The following ADGRE2 variants were observed in gnomAD, a reference collection of about 807,000 sequenced individuals.
ADGRE2 encodes the protein adhesion G protein-coupled receptor E2, also known as CD97 antigen.
ADGRE2 carries 83 observed loss-of-function variants against 100.8 expected under a neutral mutation model. The ratio of observed to expected loss-of-function variants is 0.82; its 90% CI spans 0.69 to 0.99. ADGRE2 has a LOEUF of 0.99. ADGRE2 is among the 50% of genes least tolerant of loss of function. The pLI is 0.00. For missense variants in ADGRE2, 814 were observed against 1,035.7 expected (o/e 0.79, Z 2.94); for synonymous variants, 355 against 413.0 (o/e 0.86, Z 1.70).
At chr19:14,728,665 T>C (rs2042648777), downstream of ADGRE2, among the ~76,000 whole-genome samples, 1 of 152,080 alleles carries the variant, frequency 6.6e-6, no homozygotes, top group African/African-American at 2.4e-5. Context: ...ATGAAGAAAA[T>C]GGCAAAAACT....
chr19:14,731,235 A>C, downstream of ADGRE2: 1 of 1,509,832 alleles, frequency 6.6e-7, no homozygotes, highest in Non-Finnish European at 8.9e-7. Flanking sequence ...TCAGATCGCT[A>C]GAATCCAACC....
chr19:14,774,330 G>A (rs376968761), intron 2 of ADGRE2, 24 bp from the exon 3 acceptor site: 6 of 1,486,210 alleles, frequency 4.0e-6, no homozygotes, highest in African/African-American at 1.4e-5. Context: ...AGGAAAGGGG[G>A]TCAGAGGGGA....
chr19:14,770,660 C>G (rs1251116407), intron 5 of ADGRE2, among the ~76,000 whole-genome samples: 2 of 26,004 alleles, frequency 7.7e-5, no homozygotes, highest in Admixed American at 7.8e-4. Flanking sequence ...CTTTTTGTTT[C>G]TTTCTTTTCT....
At chr19:14,731,079 G>A (rs58250448), downstream of ADGRE2, 7,194 of 1,059,924 alleles carry the variant, frequency 6.8e-3, 384 homozygotes, top group African/African-American at 0.1. Flanking sequence ...CTCAAGCACC[G>A]CCCCTCCTGC....
At chr19:14,777,638 T>TCCCCCCGGCCCCCCCC (rs1599899803) in intron 1 of ADGRE2, among the ~76,000 whole-genome samples, 1 of 148,912 alleles carries the variant, frequency 6.7e-6, no homozygotes. Flanking sequence ...ATGCAATCCC[T>TCCCCCCGGCCCCCCCC]CCCCCAGGCC....
intron 13 of ADGRE2, 93 bp from the exon 14 acceptor site, chr19:14,755,220 G>A: frequency 7.6e-7 from 1 of 1,308,268 alleles, no homozygotes; most frequent in Non-Finnish European, 1.1e-6. Flanking sequence ...GATCACTTGA[G>A]GTCAGGAGTT....
chr19:14,766,362 G>C lies in ADGRE2; in HGVS notation c.507C>G (p.Ser169=), dbSNP rs748645336. 8.7e-6 allele frequency: 14 copies of C among 1,613,792 alleles called. No individual in the cohort carries two copies. The highest frequency in any genetic ancestry group is 1.3e-5 in the African/African-American group (1 of 74,894). ...KLCTDVNECT[S]GQNPCHSSTH... is the part of the protein sequence containing the mutation. Reference sequence around the variant, plus strand: ...TGGAGCTGTGGCATGGGTTTTGTCCGGAGGTGCATTCATTCACATCTGAGG... The same window carrying C: ...TGGAGCTGTGGCATGGGTTTTGTCCCGAGGTGCATTCATTCACATCTGAGG... The change falls in exon 7 of 21, where the codon TCC becomes TCG. Residue 169 remains serine, a synonymous_variant. Coordinates refer to ENST00000315576, the MANE Select transcript of ADGRE2 (RefSeq NM_013447.4).
intron 5 of ADGRE2, among the ~76,000 whole-genome samples, chr19:14,767,624 G>A (rs910948336): frequency 6.6e-6 from 1 of 152,186 alleles, no homozygotes; most frequent in South Asian, 2.1e-4. Context: ...ATGGCTGGAA[G>A]CATCTGAGTC....
At chr19:14,758,225 A>C (rs1336405853) in intron 11 of ADGRE2, among the ~76,000 whole-genome samples, 3 of 152,264 alleles carry the variant, frequency 2.0e-5, no homozygotes, top group Non-Finnish European at 2.9e-5. Context: ...CAAGAAAATG[A>C]AAAGACAATC....
chr19:14,767,109 T>A lies in ADGRE2; in HGVS notation c.356A>T (p.Asp119Val). Residue 119 changes from aspartate (D) to valine (V), a missense_variant and splice_region_variant, in exon 6 of 21, where the codon GAT becomes GTT. Coordinates refer to ENST00000315576, the MANE Select transcript of ADGRE2 (RefSeq NM_013447.4). ...TGGGTTCTGCTGACATTCGTCCACA[T>A]CTGCAAGAGGAAGGAGAGGGTGAAG... ...FKNESENTCQ[D>V]VDECQQNPRL... 1 of 1,603,936 alleles carries A rather than the reference T, an allele frequency of 6.2e-7. No individual in the cohort carries two copies. The highest frequency in any genetic ancestry group is 1.1e-5 in the South Asian group (1 of 90,482).
intron 14 of ADGRE2, among the ~76,000 whole-genome samples, chr19:14,753,391 G>T (rs548713061): frequency 6.6e-6 from 1 of 152,192 alleles, no homozygotes; most frequent in South Asian, 2.1e-4. Context: ...CTGCCTGGGA[G>T]GATATTGATA....
intron 14 of ADGRE2, among the ~76,000 whole-genome samples, chr19:14,753,514 C>T (rs759344317): frequency 1.4e-4 from 22 of 151,892 alleles, no homozygotes; most frequent in Non-Finnish European, 1.5e-5. Flanking sequence ...GTCAGGTGGG[C>T]GAGGTGTGGT....
chr19:14,769,985 A>G (rs1027522299), intron 5 of ADGRE2, among the ~76,000 whole-genome samples: 2 of 152,208 alleles, frequency 1.3e-5, no homozygotes, highest in African/African-American at 4.8e-5. Context: ...GGCATGAGCC[A>G]CTGCGCCCGG....
At chr19:14,744,443 A>T (rs1201721616) in intron 18 of ADGRE2, among the ~76,000 whole-genome samples, 1 of 151,884 alleles carries the variant, frequency 6.6e-6, no homozygotes, top group African/African-American at 2.4e-5. Flanking sequence ...CTGTAGAGGA[A>T]TTATTTTTAT....
intron 7 of ADGRE2, 72 bp downstream of exon 7, chr19:14,766,163 T>G: frequency 6.2e-7 from 1 of 1,608,530 alleles, no homozygotes; most frequent in Non-Finnish European, 8.5e-7. Context: ...TCTGCTTGGT[T>G]TGTGTGGGCG....
intron 11 of ADGRE2, 75 bp downstream of exon 11, chr19:14,764,358 G>A (rs1371060487): frequency 7.0e-7 from 1 of 1,418,878 alleles, no homozygotes; most frequent in East Asian, 2.3e-5. Context: ...TGGTCACTTG[G>A]CTCTGGTGGG....
In ADGRE2 at chr19:14,764,601, G is replaced by A. The variant is rs1382662155; in HGVS notation, c.916C>T (p.Gln306Ter). ...LANNTIQSIL[Q>*]ALDELLEAPG... ...GCCTCCAGCAGCTCATCCAGCGCCT[G>A]TAAGATGCTCTGGAGGGATGTGGAC... Residue 306 changes from glutamine to a stop codon, truncating the protein, a stop_gained, in exon 11 of 21, where the codon CAG becomes TAG. Transcript: ENST00000315576. LOFTEE classifies it high-confidence loss of function. 2 of 1,611,622 alleles carry A rather than the reference G, an allele frequency of 1.2e-6. No individual in the cohort carries two copies. The highest frequency in any genetic ancestry group is 1.3e-5 in the African/African-American group (1 of 74,912).
intron 1 of ADGRE2, 171 bp from the exon 2 acceptor site, chr19:14,777,098 C>T: frequency 1.0e-6 from 1 of 985,354 alleles, no homozygotes; most frequent in Non-Finnish European, 1.2e-6. Context: ...TCTGACCAAC[C>T]CTCTGGCCTC....
At chr19:14,762,593 A>G (rs527260304) in intron 11 of ADGRE2, among the ~76,000 whole-genome samples, 82 of 151,724 alleles carry the variant, frequency 5.4e-4, no homozygotes, top group African/African-American at 2.0e-3. Context: ...AATATACTAG[A>G]TTCTACCGAA....
Sources: gnomAD v4.1 joint callset for allele counts (sites outside exome capture counted in the v4.1 genomes callset) on GRCh38, gnomAD v4.1.1 for gene constraint, MANE v1.5 for transcripts, NCBI Gene and HGNC (gene_info 2026-07-23, HGNC 2026-07-21) for gene names.